SPATA13: variants seen among roughly 807,000 people sequenced by gnomAD.
SPATA13 encodes spermatogenesis-associated protein 13.
A neutral mutation model predicts 104.0 loss-of-function variants in SPATA13; 50 were observed. The ratio of observed to expected loss-of-function variants is 0.48; its 90% CI spans 0.38 to 0.61. SPATA13 has a LOEUF of 0.61. Ranked by LOEUF, SPATA13 falls within the 20% of genes least tolerant of loss-of-function variation. The pLI is 0.00. For missense variants in SPATA13, 1,524 were observed against 1,690.6 expected, an observed-to-expected ratio of 0.90 and a Z score of 1.73; for synonymous variants, 606 against 667.5, an observed-to-expected ratio of 0.91 and a Z score of 1.42.
intron 3 of SPATA13, among the ~76,000 whole-genome samples, chr13:24,102,710 G>A (rs1444378519): frequency 1.3e-5 from 2 of 152,074 alleles, no homozygotes; most frequent in African/African-American, 4.8e-5. Context: ...CTGACCTCAG[G>A]TGATCCACCC....
At chr13:24,195,805 T>A (rs1870022887) in intron 1 of SPATA13, among the ~76,000 whole-genome samples, 1 of 152,170 alleles carries the variant, frequency 6.6e-6, no homozygotes. Flanking sequence ...TTGGTTAATA[T>A]AGCTAAATAT....
rs141099205 is a variant in SPATA13 at position 24,097,065 on chromosome 13, C to T, written c.-112+79364C>T. Among the ~76,000 whole-genome samples, 731 of 152,234 alleles carry T rather than the reference C, an allele frequency of 4.8e-3. 16 individuals are homozygous for T. The highest frequency in any genetic ancestry group is 0.017 in the African/African-American group (706 of 41,520). On this transcript the variant is annotated intron_variant, in intron 3 of 14. Coordinates refer to the SPATA13 transcript ENST00000424834. ...ATTCGAGGAGAAACAGCGTTGGCCC[C>T]GGCTGAAACGGTGCCAGTGGAGTTG...
At chr13:24,277,381 T>C (rs1418852505) in intron 4 of SPATA13, among the ~76,000 whole-genome samples, 1 of 147,462 alleles carries the variant, frequency 6.8e-6, no homozygotes, top group Non-Finnish European at 1.5e-5. Context: ...GAGGCGGAGC[T>C]TGCAGTGACC....
rs933992515 is a variant in SPATA13, at chr13:24,051,803, G to T, written c.-112+34102G>T. On this transcript the variant is annotated intron_variant, in intron 3 of 14. Coordinates refer to the SPATA13 transcript ENST00000424834. The surrounding 1 kb of genome is among the most constrained non-coding windows in gnomAD (Gnocchi z 4.2). ...AGTCTAGGCTGCAAGAGCCTGCTAAGAGTTATGTTCTCCAGGGCAGGGCAG... is the reference window on the plus strand; with the variant it reads ...AGTCTAGGCTGCAAGAGCCTGCTAATAGTTATGTTCTCCAGGGCAGGGCAG... Among the ~76,000 whole-genome samples the T allele has an allele frequency of 6.6e-6, 1 of 152,194 alleles. No homozygotes were observed. The highest frequency in any genetic ancestry group is 1.5e-5 in the Non-Finnish European group (1 of 68,026).
chr13:24,290,936 T>A (rs1454363003), intron 9 of SPATA13, 52 bp downstream of exon 9: 1 of 1,441,976 alleles, frequency 6.9e-7, no homozygotes, highest in Non-Finnish European at 9.6e-7. Context: ...CCATTACCCG[T>A]AGGCAGCTCT....
intron 4 of SPATA13, among the ~76,000 whole-genome samples, chr13:24,257,770 T>G (rs1295737797): frequency 1.3e-5 from 2 of 152,166 alleles, no homozygotes; most frequent in Non-Finnish European, 2.9e-5. Context: ...TAAAACTAAA[T>G]CATAACCACC....
intron 1 of SPATA13, among the ~76,000 whole-genome samples, chr13:24,192,404 G>T (rs1869811410): frequency 6.6e-6 from 1 of 152,040 alleles, no homozygotes; most frequent in African/African-American, 2.4e-5. Context: ...TGTGATGCCT[G>T]CTACTCTAGT....
At position 24,051,114 on chromosome 13, in the gene SPATA13, A is replaced by C. The variant is rs1438885165; in HGVS notation, c.-112+33413A>C. 1.3e-5 allele frequency among the ~76,000 whole-genome samples: 2 copies of C among 152,072 alleles called. No homozygotes were observed. Among genetic ancestry groups the C allele is most frequent in the African/African-American group, 4.8e-5 (2 of 41,392 alleles). On this transcript the variant is annotated intron_variant, in intron 3 of 14. Transcript: ENST00000424834. The surrounding 1 kb of genome is among the most constrained non-coding windows in gnomAD (Gnocchi z 4.2). ...ATTTCCCCCACCTTTTATGAATGTC[A>C]CTGAGCAAATGAACTCCAAGTGAGC... is the stretch of plus-strand genomic sequence containing the variant.
At chr13:24,197,866 G>A (rs1870155482) in intron 1 of SPATA13, among the ~76,000 whole-genome samples, 1 of 152,028 alleles carries the variant, frequency 6.6e-6, no homozygotes, top group African/African-American at 2.4e-5. Context: ...AGTGGGCATG[G>A]GGTTTCCTGG....
At chr13:24,082,303 C>T (rs1245286872) in intron 3 of SPATA13, among the ~76,000 whole-genome samples, 1 of 152,210 alleles carries the variant, frequency 6.6e-6, no homozygotes, top group African/African-American at 2.4e-5. Context: ...ATGTCAGTCA[C>T]TGGTGCTGAG....
At chr13:24,222,298 C>T (rs1012318060) in intron 1 of SPATA13, among the ~76,000 whole-genome samples, 4 of 152,188 alleles carry the variant, frequency 2.6e-5, no homozygotes, top group Non-Finnish European at 4.4e-5. Flanking sequence ...CTCAGCCCTC[C>T]TGGACAGGAG....
upstream of SPATA13, among the ~76,000 whole-genome samples, chr13:24,157,555 C>T (rs190368763): frequency 6.6e-6 from 1 of 152,268 alleles, no homozygotes; most frequent in Non-Finnish European, 1.5e-5. Flanking sequence ...CCGTCTTGGC[C>T]TCCCAAAGTG....
intron 1 of SPATA13, among the ~76,000 whole-genome samples, chr13:24,197,067 AC>A (rs1319276352): frequency 6.6e-6 from 1 of 152,144 alleles, no homozygotes; most frequent in Non-Finnish European, 1.5e-5. Flanking sequence ...CCAAATAACA[AC>A]CAGAGGGCAC....
At chr13:24,148,685 T>G (rs1882008849) in intron 3 of SPATA13, among the ~76,000 whole-genome samples, 1 of 152,180 alleles carries the variant, frequency 6.6e-6, no homozygotes, top group Non-Finnish European at 1.5e-5. Flanking sequence ...GGCTCAGTCT[T>G]TTTCTTATGC....
intron 3 of SPATA13, among the ~76,000 whole-genome samples, chr13:24,107,780 G>C (rs1451611029): frequency 2.0e-5 from 3 of 152,236 alleles, no homozygotes; most frequent in African/African-American, 7.2e-5. Flanking sequence ...TTAGACTTTG[G>C]TGGGAACTCT....
At chr13:24,171,263 T>G (rs553572249) in intron 1 of SPATA13, among the ~76,000 whole-genome samples, 30 of 152,110 alleles carry the variant, frequency 2.0e-4, no homozygotes, top group African/African-American at 7.0e-4. Context: ...CACTGCCTCA[T>G]GTGTTCAGCG....
chr13:23,995,551 A>G (rs974477229), intron 2 of SPATA13, among the ~76,000 whole-genome samples: 1 of 152,226 alleles, frequency 6.6e-6, no homozygotes, highest in Non-Finnish European at 1.5e-5. Context: ...TGAAATCTCC[A>G]TATCGACTGA....
chr13:24,210,619 T>C (rs1276674034), intron 1 of SPATA13, among the ~76,000 whole-genome samples: 1 of 152,150 alleles, frequency 6.6e-6, no homozygotes, highest in Non-Finnish European at 1.5e-5. Flanking sequence ...TATGTGTCTG[T>C]TTTTATACCA....
chr13:24,194,289 T>C (rs969572378), intron 1 of SPATA13, among the ~76,000 whole-genome samples: 3 of 152,230 alleles, frequency 2.0e-5, no homozygotes, highest in Non-Finnish European at 4.4e-5. Flanking sequence ...ATTTCAAATA[T>C]ATGACTTACA....
Sources: allele counts gnomAD v4.1 joint callset (sites outside exome capture counted in the v4.1 genomes callset), GRCh38; gene constraint gnomAD v4.1.1; non-coding constraint Gnocchi (gnomAD v3.1); transcripts MANE v1.5; gene names NCBI Gene and HGNC (gene_info 2026-07-23, HGNC 2026-07-21).